The following SHLD1 variants were observed in gnomAD, a reference collection of about 807,000 sequenced individuals.
SHLD1 encodes the protein shieldin complex subunit 1.
Under a neutral mutation model 5.5 loss-of-function variants are expected in SHLD1, and 3 were observed. The observed-to-expected ratio is 0.54, with a 90% CI of 0.25 to 1.40. The LOEUF (loss-of-function observed/expected upper bound fraction) is 1.40, where lower values mean the gene tolerates loss of function less well. Ranked by LOEUF, SHLD1 falls within the 40% of genes most tolerant of loss-of-function variation. The probability of loss-of-function intolerance (pLI) is 0.15; values close to 1 mark genes in which losing one functional copy is unlikely to be tolerated. For missense variants in SHLD1, 210 were observed against 244.4 expected (o/e 0.86, Z 0.94); for synonymous variants, 92 against 94.3 (o/e 0.98, Z 0.14).
chr20:5,768,602 A>G (rs1984977663), intron 1 of SHLD1, among the ~76,000 whole-genome samples: 1 of 152,198 alleles, frequency 6.6e-6, no homozygotes, highest in African/African-American at 2.4e-5. Context: ...AATGCAAATC[A>G]CCTGTAATCA....
intron 2 of SHLD1, among the ~76,000 whole-genome samples, chr20:5,807,426 G>A (rs1488968407): frequency 1.4e-5 from 2 of 142,316 alleles, no homozygotes; most frequent in African/African-American, 5.2e-5. Context: ...GCTCTCTTTT[G>A]ATAATGCGAT....
intron 2 of SHLD1, among the ~76,000 whole-genome samples, chr20:5,834,923 C>T (rs1252239492): frequency 2.6e-5 from 4 of 152,120 alleles, no homozygotes; most frequent in Non-Finnish European, 5.9e-5. Context: ...TTATGAGTTC[C>T]ATTCATGAGG....
chr20:5,766,911 T>C (rs1026869741), intron 1 of SHLD1, among the ~76,000 whole-genome samples: 38 of 151,422 alleles, frequency 2.5e-4, no homozygotes, highest in African/African-American at 8.9e-4. Flanking sequence ...AGTCTGAAAT[T>C]ACTTCTTTCA....
chr20:5,780,537 G>A (rs757651336), intron 2 of SHLD1, among the ~76,000 whole-genome samples: 2 of 152,180 alleles, frequency 1.3e-5, no homozygotes, highest in East Asian at 1.9e-4. Context: ...ACCCCTGGAA[G>A]AGTAGTAGGC....
At chr20:5,847,617 T>C (rs972936950) in intron 2 of SHLD1, among the ~76,000 whole-genome samples, 4 of 152,170 alleles carry the variant, frequency 2.6e-5, no homozygotes, top group Non-Finnish European at 4.4e-5. Flanking sequence ...GAATAAGCAG[T>C]TCACAGAAAA....
At chr20:5,792,684 A>AAT (rs1196190340) in intron 2 of SHLD1, among the ~76,000 whole-genome samples, 1 of 145,304 alleles carries the variant, frequency 6.9e-6, no homozygotes, top group Non-Finnish European at 1.5e-5. Context: ...TTTTTTAAAA[A>AAT]AAAAAAAGAA....
chr20:5,798,065 G>T (rs2087236957), intron 2 of SHLD1, among the ~76,000 whole-genome samples: 1 of 152,168 alleles, frequency 6.6e-6, no homozygotes, highest in Non-Finnish European at 1.5e-5. Context: ...TGTGATATTG[G>T]CTGGGGCTGC....
chr20:5,855,735 A>AT lies in SHLD1; in HGVS notation c.179-7289_179-7288insT. On this transcript the variant is annotated intron_variant, in intron 2 of 2. Coordinates refer to ENST00000303142, the MANE Select transcript of SHLD1 (RefSeq NM_152504.4). This position sits in a 1 kb window ranked among gnomAD's most constrained non-coding sequence, Gnocchi z 4.4. ...GCTGGGTTGCTTCTAACTCTTGGCT[A>AT]ATGTGAATATGAGAAATGCAATTTG... Among the ~76,000 whole-genome samples the AT allele has an allele frequency of 6.6e-6, 1 of 152,320 alleles. No homozygotes were observed. Among genetic ancestry groups the AT allele is most frequent in the South Asian group, 2.1e-4 (1 of 4,822 alleles).
intron 2 of SHLD1, among the ~76,000 whole-genome samples, chr20:5,857,012 C>T (rs1332358275): frequency 6.6e-6 from 1 of 152,182 alleles, no homozygotes; most frequent in Non-Finnish European, 1.5e-5. Context: ...AACAGAGTCT[C>T]ACTCTGTCGC....
chr20:5,751,384 G>C (rs1430954070), intron 1 of SHLD1, among the ~76,000 whole-genome samples: 5 of 151,974 alleles, frequency 3.3e-5, no homozygotes, highest in African/African-American at 1.2e-4. Context: ...TTGGCTCACT[G>C]CAACCTCTGC....
At chr20:5,830,937 T>G (rs2122439597) in intron 2 of SHLD1, among the ~76,000 whole-genome samples, 1 of 152,304 alleles carries the variant, frequency 6.6e-6, no homozygotes, top group South Asian at 2.1e-4. Context: ...TTTTATTTAT[T>G]TATTTAATTT....
chr20:5,813,333 CA>C (rs937351798), intron 2 of SHLD1, among the ~76,000 whole-genome samples: 1 of 150,404 alleles, frequency 6.6e-6, no homozygotes, highest in Non-Finnish European at 1.5e-5. Flanking sequence ...ACTAAAAATA[CA>C]AAAAAAATAG....
rs762008113 is a variant in SHLD1 at position 5,772,817 on chromosome 20, A to G, written c.-4-45A>G. The stretch of plus-strand genomic sequence containing the variant: ...TCTGTCTCCAATGAAGGATCCTGCT[A>G]TGTGGTGCCTTTTGTACTGAATTGT... On this transcript the variant is annotated intron_variant, in intron 1 of 2. Transcript: ENST00000303142. The G allele has an allele frequency of 2.4e-5, 37 of 1,518,982 alleles. No individual in the cohort carries two copies. In the African/African-American group the frequency reaches 2.9e-4, roughly 12 times the overall value. The allele number at this position is 1,518,982 out of a possible 1,614,324, so 94.1% of individuals were successfully genotyped here.
At chr20:5,765,340 G>C (rs1274823715) in intron 1 of SHLD1, among the ~76,000 whole-genome samples, 1 of 152,146 alleles carries the variant, frequency 6.6e-6, no homozygotes, top group Non-Finnish European at 1.5e-5. Flanking sequence ...CCGCCTCCTG[G>C]GTTCAAGTGA....
At chr20:5,755,498 C>G (rs1374908039) in intron 1 of SHLD1, among the ~76,000 whole-genome samples, 5 of 152,152 alleles carry the variant, frequency 3.3e-5, no homozygotes, top group Non-Finnish European at 7.3e-5. Context: ...TTCCATGAAA[C>G]TGGTCCCTGG....
intron 2 of SHLD1, among the ~76,000 whole-genome samples, chr20:5,824,882 G>A (rs2087648580): frequency 6.6e-6 from 1 of 152,052 alleles, no homozygotes; most frequent in Non-Finnish European, 1.5e-5. Flanking sequence ...ACTTCTGTAC[G>A]TACTTTGACT....
intron 2 of SHLD1, among the ~76,000 whole-genome samples, chr20:5,821,110 A>G (rs2087600573): frequency 6.6e-6 from 1 of 152,240 alleles, no homozygotes; most frequent in Non-Finnish European, 1.5e-5. Context: ...CTGAGAAAAT[A>G]AAAATTTATA....
intron 2 of SHLD1, among the ~76,000 whole-genome samples, chr20:5,775,895 C>T (rs1985398619): frequency 6.9e-6 from 1 of 144,230 alleles, no homozygotes; most frequent in Non-Finnish European, 1.5e-5. Context: ...GTGCTTAGCA[C>T]ACTGCAGTAC....
chr20:5,858,931 C>T lies in SHLD1; in HGVS notation c.179-4093C>T, dbSNP rs539254765. Among the ~76,000 whole-genome samples the T allele has an allele frequency of 3.3e-5, 5 of 152,204 alleles. No individual in the cohort carries two copies. The South Asian group carries it at 1.0e-3, about 32-fold the overall frequency. On this transcript the variant is annotated intron_variant, in intron 2 of 2. Transcript: ENST00000303142. ...ATGCAAAAGCATTGTGATATCAAGC[C>T]CTGCCCTCCTCCTTTTCTTCTTGTA...
Sources: allele counts gnomAD v4.1 joint callset (sites outside exome capture counted in the v4.1 genomes callset), GRCh38; gene constraint gnomAD v4.1.1; non-coding constraint Gnocchi (gnomAD v3.1); transcripts MANE v1.5; gene names NCBI Gene and HGNC (gene_info 2026-07-23, HGNC 2026-07-21).